LNPEP: variants seen among roughly 807,000 people sequenced by gnomAD.
The protein encoded by LNPEP is leucyl and cystinyl aminopeptidase, also known as leucyl-cystinyl aminopeptidase.
Under a neutral mutation model 120.6 loss-of-function variants are expected in LNPEP, and 64 were observed. That is an observed-to-expected ratio of 0.53 (90% CI 0.43 to 0.65). The LOEUF (loss-of-function observed/expected upper bound fraction) is 0.65, where lower values mean the gene tolerates loss of function less well. Ranked by LOEUF, LNPEP falls within the 30% of genes least tolerant of loss-of-function variation. The probability of loss-of-function intolerance (pLI) is 0.00; values close to 1 mark genes in which losing one functional copy is unlikely to be tolerated. For missense variants in LNPEP, 1,057 were observed against 1,200.0 expected (o/e 0.88, Z 1.76); for synonymous variants, 435 against 425.4 (o/e 1.02, Z -0.28).
At chr5:96,963,100 A>G (rs1172065537) in intron 1 of LNPEP, among the ~76,000 whole-genome samples, 2 of 152,234 alleles carry the variant, frequency 1.3e-5, no homozygotes, top group Admixed American at 6.5e-5. Flanking sequence ...TGAAGTAATC[A>G]TGAGACACTG....
chr5:96,962,976 G>A (rs1174776415), intron 1 of LNPEP, among the ~76,000 whole-genome samples: 1 of 151,958 alleles, frequency 6.6e-6, no homozygotes, highest in African/African-American at 2.4e-5. Flanking sequence ...AAGGCCTTTG[G>A]GCTTAAGAGA....
At position 96,993,146 on chromosome 5, in the gene LNPEP, AAT is replaced by A. The variant is rs1012520975; in HGVS notation, c.1252+13_1252+14del. ...CACTTAAGAAATTGGGTAAGAATCA[AAT>A]AGTGTGTCTGATTTTTGTTATAATT... is the stretch of plus-strand genomic sequence containing the variant. On this transcript the variant is annotated intron_variant, in intron 5 of 17. Coordinates refer to ENST00000231368, the MANE Select transcript of LNPEP (RefSeq NM_005575.3). 1.3e-6 allele frequency: 2 copies of A among 1,547,786 alleles called. No individual in the cohort carries two copies. Among genetic ancestry groups the A allele is most frequent in the African/African-American group, 2.8e-5 (2 of 72,082 alleles).
chr5:96,981,755 G>A (rs554424233), intron 2 of LNPEP, among the ~76,000 whole-genome samples: 2 of 152,308 alleles, frequency 1.3e-5, no homozygotes, highest in East Asian at 3.9e-4. Context: ...TGTGATCTAA[G>A]AGACAGAGAC....
At chr5:97,015,190 A>G (rs1297080491) in intron 13 of LNPEP, 95 bp downstream of exon 13, 1 of 740,290 alleles carries the variant, frequency 1.4e-6, no homozygotes, top group African/African-American at 1.8e-5. Flanking sequence ...AAAAGCAACC[A>G]GTTAAATTCC....
intron 2 of LNPEP, among the ~76,000 whole-genome samples, chr5:96,984,405 A>G (rs1190546561): frequency 6.6e-6 from 1 of 152,180 alleles, no homozygotes; most frequent in African/African-American, 2.4e-5. Context: ...AAATGGGTCC[A>G]GGTGCTGGGG....
At chr5:97,020,674 C>T (rs1043168456) in intron 13 of LNPEP, among the ~76,000 whole-genome samples, 7 of 152,070 alleles carry the variant, frequency 4.6e-5, no homozygotes, top group East Asian at 3.9e-4. Flanking sequence ...TGGTGGCGGG[C>T]GCTTGTAGTC....
chr5:97,016,866 A>C (rs1030987287), intron 13 of LNPEP, among the ~76,000 whole-genome samples: 2 of 152,176 alleles, frequency 1.3e-5, no homozygotes, highest in African/African-American at 4.8e-5. Context: ...GTGTTAGTGT[A>C]GTAAAGAGAT....
At chr5:96,985,058 A>G (rs772782735) in intron 2 of LNPEP, 22 bp from the exon 3 acceptor site, 1 of 1,613,268 alleles carries the variant, frequency 6.2e-7, no homozygotes, top group Non-Finnish European at 8.5e-7. Flanking sequence ...TAACTACTGG[A>G]TTGAATTTGT....
intron 11 of LNPEP, chr5:97,010,607 A>G (rs775897897): frequency 1.1e-4 from 106 of 985,094 alleles, no homozygotes; most frequent in Non-Finnish European, 1.2e-4. Context: ...GTTTTTTTGT[A>G]AAACAGTAGT....
chr5:96,992,779 C>CGGGGCGGGGGTGGGGCGGGGGT (rs561340845), intron 4 of LNPEP, among the ~76,000 whole-genome samples: 1 of 13,198 alleles, frequency 7.6e-5, no homozygotes, highest in Non-Finnish European at 2.2e-4. Flanking sequence ...TAAAAAAAAG[C>CGGGGCGGGGGTGGGGCGGGGGT]GGGGCGGGGG....
chr5:96,984,196 T>C (rs530871625), intron 2 of LNPEP, among the ~76,000 whole-genome samples: 1 of 152,332 alleles, frequency 6.6e-6, no homozygotes, highest in East Asian at 1.9e-4. Flanking sequence ...ACCAGTTATA[T>C]AGGGAGAAGG....
chr5:96,990,903 G>A (rs1339402893), intron 4 of LNPEP, among the ~76,000 whole-genome samples: 1 of 152,104 alleles, frequency 6.6e-6, no homozygotes, highest in African/African-American at 2.4e-5. Flanking sequence ...AGAAATTGTT[G>A]ACAGTTTTTT....
rs371847389 is a variant in LNPEP, at chr5:96,973,636, A to C, written c.20-5502A>C. ...TTTAAAGTATGTGGGAGGATATGCA[A>C]AGATTAGATGCAAATATTACAGCAT... On this transcript the variant is annotated intron_variant, in intron 1 of 17. Coordinates refer to ENST00000231368, the MANE Select transcript of LNPEP (RefSeq NM_005575.3). Among the ~76,000 whole-genome samples, 74 of 152,242 alleles carry C rather than the reference A, an allele frequency of 4.9e-4. No individual in the cohort carries two copies. In the East Asian group the frequency reaches 0.013, roughly 26 times the overall value.
At chr5:96,970,209 G>A (rs941006825) in intron 1 of LNPEP, among the ~76,000 whole-genome samples, 3 of 151,808 alleles carry the variant, frequency 2.0e-5, no homozygotes, top group Non-Finnish European at 4.4e-5. Flanking sequence ...GTATTGTTCC[G>A]ATCTTCCGTG....
intron 6 of LNPEP, 87 bp downstream of exon 6, chr5:96,994,058 C>A: frequency 4.6e-6 from 4 of 861,370 alleles, no homozygotes; most frequent in Non-Finnish European, 6.6e-6. Context: ...GCTAATAATT[C>A]TTTTTTTTTT....
At chr5:96,997,278 C>T (rs1264268458) in intron 7 of LNPEP, among the ~76,000 whole-genome samples, 1 of 152,054 alleles carries the variant, frequency 6.6e-6, no homozygotes, top group African/African-American at 2.4e-5. Context: ...AACAGAAGTA[C>T]TCTTAAGAGC....
chr5:96,969,954 TAA>T (rs1789822436), intron 1 of LNPEP, among the ~76,000 whole-genome samples: 1 of 151,852 alleles, frequency 6.6e-6, no homozygotes, highest in African/African-American at 2.4e-5. Flanking sequence ...ATGGATTACT[TAA>T]AGTCTTTTGT....
chr5:97,017,147 C>T (rs575796299), intron 13 of LNPEP, among the ~76,000 whole-genome samples: 2 of 152,136 alleles, frequency 1.3e-5, no homozygotes, highest in Non-Finnish European at 2.9e-5. Flanking sequence ...TTATCATTCA[C>T]ACTAAATCTT....
At chr5:96,974,188 C>T (rs1259473129) in intron 1 of LNPEP, among the ~76,000 whole-genome samples, 5 of 152,138 alleles carry the variant, frequency 3.3e-5, no homozygotes, top group Non-Finnish European at 7.4e-5. Context: ...GGGGTCACCA[C>T]TCCTTGGCCC....
Sources: gnomAD v4.1 joint callset for allele counts (sites outside exome capture counted in the v4.1 genomes callset) on GRCh38, gnomAD v4.1.1 for gene constraint, MANE v1.5 for transcripts, NCBI Gene and HGNC (gene_info 2026-07-23, HGNC 2026-07-21) for gene names.